Variants in AK5 observed in about 807,000 individuals in gnomAD.
AK5 encodes adenylate kinase 5, also known as adenylate kinase isoenzyme 5.
Under a neutral mutation model 69.5 loss-of-function variants are expected in AK5, and 27 were observed. The ratio of observed to expected loss-of-function variants is 0.39; its 90% CI spans 0.29 to 0.54. The LOEUF is 0.54. Ranked by LOEUF, AK5 falls within the 20% of genes least tolerant of loss-of-function variation. The pLI is 0.71. For missense variants in AK5, 531 were observed against 700.4 expected (o/e 0.76, Z 2.73); for synonymous variants, 260 against 244.4 (o/e 1.06, Z -0.60).
At chr1:77,315,306 C>T (rs560097759) in intron 5 of AK5, among the ~76,000 whole-genome samples, 1 of 151,986 alleles carries the variant, frequency 6.6e-6, no homozygotes, top group South Asian at 2.1e-4. Flanking sequence ...ATATTATTCG[C>T]CATACTTTTT....
chr1:77,380,851 A>T (rs1179637279), intron 6 of AK5, among the ~76,000 whole-genome samples: 3 of 152,168 alleles, frequency 2.0e-5, no homozygotes, highest in Admixed American at 6.5e-5. Context: ...AAGTGTGGGG[A>T]CCAAGGCATC....
intron 10 of AK5, among the ~76,000 whole-genome samples, chr1:77,488,692 G>A (rs1476339328): frequency 1.3e-5 from 2 of 152,156 alleles, no homozygotes; most frequent in Non-Finnish European, 1.5e-5. Flanking sequence ...TCCAGCATGG[G>A]GGAAACATGC....
chr1:77,536,108 A>G, intron 13 of AK5, 70 bp downstream of exon 13: 1 of 1,472,144 alleles, frequency 6.8e-7, no homozygotes, highest in Non-Finnish European at 9.1e-7. Context: ...GAAAAGAGAA[A>G]AAGCTGAGAA....
chr1:77,520,782 T>C lies in AK5; in HGVS notation c.1312-1045T>C, dbSNP rs1279455242. Among the ~76,000 whole-genome samples, 4 of 152,272 alleles carry C rather than the reference T, an allele frequency of 2.6e-5. No homozygotes were observed. The East Asian group carries it at 7.7e-4, about 29-fold the overall frequency. ...CATTATATATTTATTTGTTCATCTA[T>C]GGTCTGTCTTCTTCATTAGAATATA... On this transcript the variant is annotated intron_variant, in intron 11 of 13. Transcript: ENST00000354567.
chr1:77,367,718 A>G (rs1165475222), intron 6 of AK5, among the ~76,000 whole-genome samples: 2 of 90,308 alleles, frequency 2.2e-5, no homozygotes, highest in African/African-American at 9.7e-5. Flanking sequence ...TATGTTATAT[A>G]TAATATATGT....
intron 8 of AK5, among the ~76,000 whole-genome samples, chr1:77,433,846 G>T (rs1651793677): frequency 6.6e-6 from 1 of 151,556 alleles, no homozygotes; most frequent in East Asian, 1.9e-4. Context: ...TTGATTATTA[G>T]TTTCATAAAT....
intron 5 of AK5, among the ~76,000 whole-genome samples, chr1:77,336,789 G>A (rs1373057123): frequency 6.6e-6 from 1 of 152,042 alleles, no homozygotes; most frequent in African/African-American, 2.4e-5. Context: ...TGTTTGTCTG[G>A]GAAAGTCTTT....
intron 5 of AK5, among the ~76,000 whole-genome samples, chr1:77,299,831 G>T (rs1157590947): frequency 1.3e-5 from 2 of 149,526 alleles, no homozygotes; most frequent in Non-Finnish European, 3.0e-5. Context: ...ACAAGCAGAT[G>T]AAGCTACTTG....
chr1:77,406,614 T>C (rs1283364387), intron 6 of AK5, among the ~76,000 whole-genome samples: 3 of 152,072 alleles, frequency 2.0e-5, no homozygotes, highest in East Asian at 3.9e-4. Context: ...ATAATGACCA[T>C]ATGCCACCTG....
chr1:77,501,073 G>A (rs1039582983), intron 10 of AK5, among the ~76,000 whole-genome samples: 42 of 152,300 alleles, frequency 2.8e-4, no homozygotes, highest in African/African-American at 1.0e-3. Flanking sequence ...GCTGAGAATC[G>A]AGGGGAGTCT....
chr1:77,556,319 T>C (rs1183494246), intron 13 of AK5, among the ~76,000 whole-genome samples: 1 of 152,222 alleles, frequency 6.6e-6, no homozygotes, highest in Non-Finnish European at 1.5e-5. Context: ...TGCTTCTCTT[T>C]ATGACTTTAT....
chr1:77,542,580 T>C (rs1659334724), intron 13 of AK5, among the ~76,000 whole-genome samples: 2 of 152,198 alleles, frequency 1.3e-5, no homozygotes, highest in South Asian at 2.1e-4. Flanking sequence ...CAGAAATAGC[T>C]ATCTCAAGTG....
intron 12 of AK5, among the ~76,000 whole-genome samples, chr1:77,526,196 C>T (rs974943813): frequency 6.6e-6 from 1 of 152,000 alleles, no homozygotes; most frequent in South Asian, 2.1e-4. Flanking sequence ...AGAATCAAGG[C>T]CTGTGCAGGG....
At chr1:77,501,005 G>T (rs1225435076) in intron 10 of AK5, among the ~76,000 whole-genome samples, 9 of 152,192 alleles carry the variant, frequency 5.9e-5, no homozygotes, top group Admixed American at 3.9e-4. Context: ...ATTCGGTGAA[G>T]GTTACCAGGG....
At chr1:77,288,478 C>G (rs1383274931) in intron 2 of AK5, among the ~76,000 whole-genome samples, 1 of 152,128 alleles carries the variant, frequency 6.6e-6, no homozygotes, top group Non-Finnish European at 1.5e-5. Context: ...AGGAAGCAAT[C>G]TTAGTTGCTT....
chr1:77,397,304 G>C (rs1648896697), intron 6 of AK5, among the ~76,000 whole-genome samples: 1 of 152,046 alleles, frequency 6.6e-6, no homozygotes, highest in Non-Finnish European at 1.5e-5. Flanking sequence ...TGGCCCCCAG[G>C]ACCTCCAAGC....
At chr1:77,419,128 C>T (rs1296137385) in intron 8 of AK5, among the ~76,000 whole-genome samples, 1 of 151,760 alleles carries the variant, frequency 6.6e-6, no homozygotes, top group Non-Finnish European at 1.5e-5. Context: ...GAACTTAGGG[C>T]ACATTCTCTA....
intron 8 of AK5, among the ~76,000 whole-genome samples, chr1:77,438,310 A>G (rs756434351): frequency 0.019 from 2,710 of 145,802 alleles, 58 homozygotes; most frequent in Non-Finnish European, 0.026. Context: ...AAAAAAAAAA[A>G]AAAAAAAAAA....
At chr1:77,304,368 C>G (rs1262330104) in intron 5 of AK5, among the ~76,000 whole-genome samples, 1 of 151,718 alleles carries the variant, frequency 6.6e-6, no homozygotes, top group Non-Finnish European at 1.5e-5. Context: ...TATGGCCAAA[C>G]AGTACTCCGT....
Sources: gnomAD v4.1 joint callset for allele counts (sites outside exome capture counted in the v4.1 genomes callset) on GRCh38, gnomAD v4.1.1 for gene constraint, MANE v1.5 for transcripts, NCBI Gene and HGNC (gene_info 2026-07-23, HGNC 2026-07-21) for gene names.